The following HADHB variants were observed in gnomAD, a reference collection of about 807,000 sequenced individuals.
HADHB encodes the protein trifunctional enzyme subunit beta, mitochondrial.
HADHB carries 50 observed loss-of-function variants against 61.9 expected under a neutral mutation model. The ratio of observed to expected loss-of-function variants is 0.81; its 90% CI spans 0.64 to 1.02. HADHB has a LOEUF of 1.02. Among genes scored for constraint, HADHB ranks in the 50% least tolerant of loss-of-function variants. The probability of loss-of-function intolerance (pLI) is 0.00; values close to 1 mark genes in which losing one functional copy is unlikely to be tolerated. For missense variants in HADHB, 504 were observed against 586.5 expected (o/e 0.86, Z 1.45); for synonymous variants, 191 against 201.6 (o/e 0.95, Z 0.45).
chr2:26,253,791 T>G (rs1671495036), intron 1 of HADHB, among the ~76,000 whole-genome samples: 1 of 151,230 alleles, frequency 6.6e-6, no homozygotes, highest in Non-Finnish European at 1.5e-5. Flanking sequence ...AGGCAAAGAT[T>G]GCAGTGAACC....
intron 3 of HADHB, 87 bp downstream of exon 3, chr2:26,254,561 C>T: frequency 3.4e-6 from 3 of 877,092 alleles, no homozygotes; most frequent in Non-Finnish European, 5.8e-6. Flanking sequence ...AAAACCAAAA[C>T]TAATTTGCTA....
intron 3 of HADHB, among the ~76,000 whole-genome samples, chr2:26,261,830 G>A (rs1244605793): frequency 6.6e-6 from 1 of 150,876 alleles, no homozygotes; most frequent in Non-Finnish European, 1.5e-5. Flanking sequence ...ACTTTGTTTC[G>A]GGTAGCTAGG....
chr2:26,252,388 G>A (rs1485448455), intron 1 of HADHB, among the ~76,000 whole-genome samples: 3 of 152,122 alleles, frequency 2.0e-5, no homozygotes, highest in Non-Finnish European at 4.4e-5. Flanking sequence ...TTTTGTTGTT[G>A]TTGTTAAAAC....
intron 7 of HADHB, 76 bp downstream of exon 7, chr2:26,277,236 T>A: frequency 2.0e-5 from 6 of 294,402 alleles, no homozygotes; most frequent in East Asian, 6.0e-5. Context: ...AAATGTACTT[T>A]TTTTTTTTTT....
At chr2:26,251,288 G>C (rs991420528) in intron 1 of HADHB, among the ~76,000 whole-genome samples, 2 of 152,008 alleles carry the variant, frequency 1.3e-5, no homozygotes, top group East Asian at 1.9e-4. Context: ...CCTGGCTCGG[G>C]TGCTCCTCCC....
chr2:26,255,982 G>A (rs1189702094), intron 3 of HADHB, among the ~76,000 whole-genome samples: 2 of 152,210 alleles, frequency 1.3e-5, no homozygotes, highest in Non-Finnish European at 2.9e-5. Context: ...AGGTCATTCT[G>A]AATACCAGCA....
chr2:26,250,940 G>C (rs937464279), intron 1 of HADHB, among the ~76,000 whole-genome samples: 2 of 150,918 alleles, frequency 1.3e-5, no homozygotes, highest in African/African-American at 4.8e-5. Flanking sequence ...TAATCTGTCT[G>C]GCATTTATTT....
chr2:26,278,841 T>G (rs546252491), intron 8 of HADHB, 40 bp downstream of exon 8: 1 of 1,518,968 alleles, frequency 6.6e-7, no homozygotes, highest in African/African-American at 1.4e-5. Flanking sequence ...TGCAGAGATT[T>G]AGAATTAGGT....
At chr2:26,245,630 A>G (rs1440198464) in intron 1 of HADHB, among the ~76,000 whole-genome samples, 1 of 151,894 alleles carries the variant, frequency 6.6e-6, no homozygotes, top group Non-Finnish European at 1.5e-5. Flanking sequence ...GATTTTACCC[A>G]TGGCCATATG....
chr2:26,262,580 AC>A (rs1365851114), intron 3 of HADHB, among the ~76,000 whole-genome samples: 2 of 152,234 alleles, frequency 1.3e-5, no homozygotes, highest in African/African-American at 4.8e-5. Flanking sequence ...AATTTAAGAA[AC>A]CTAAAGGAAG....
At chr2:26,289,883 T>C in intron 15 of HADHB, 35 bp from the exon 16 acceptor site, 1 of 1,500,252 alleles carries the variant, frequency 6.7e-7, no homozygotes, top group Non-Finnish European at 9.3e-7. Context: ...TTCATCACCA[T>C]TCATTGCTCT....
At chr2:26,279,815 T>C (rs2147826184) in intron 9 of HADHB, among the ~76,000 whole-genome samples, 179 bp from the exon 10 acceptor site, 1 of 152,346 alleles carries the variant, frequency 6.6e-6, no homozygotes, top group African/African-American at 2.4e-5. Context: ...ATTTCCCAAT[T>C]GTCTTTTAAG....
At chr2:26,254,061 G>T (rs1387894597) in intron 1 of HADHB, among the ~76,000 whole-genome samples, 186 bp from the exon 2 acceptor site, 1 of 151,936 alleles carries the variant, frequency 6.6e-6, no homozygotes, top group South Asian at 2.1e-4. Context: ...AATAGTGGTT[G>T]CTGCAATGTG....
At chr2:26,283,782 G>C (rs542037796) in intron 12 of HADHB, among the ~76,000 whole-genome samples, 1 of 152,120 alleles carries the variant, frequency 6.6e-6, no homozygotes, top group Non-Finnish European at 1.5e-5. Flanking sequence ...CAAGGCTGTA[G>C]CCTCTAGCCT....
chr2:26,283,094 T>G (rs771296359), intron 12 of HADHB, 43 bp downstream of exon 12: 14 of 1,208,416 alleles, frequency 1.2e-5, no homozygotes, highest in Admixed American at 1.7e-5. Context: ...CACAAGTATT[T>G]GATTGCCTAT....
intron 1 of HADHB, among the ~76,000 whole-genome samples, chr2:26,247,523 C>A (rs1003627796): frequency 1.3e-5 from 2 of 152,064 alleles, no homozygotes; most frequent in African/African-American, 4.8e-5. Context: ...TTTTAAAATG[C>A]ATTTGTATAT....
intron 1 of HADHB, 73 bp downstream of exon 1, chr2:26,245,063 G>C (rs773601932): frequency 9.3e-6 from 2 of 215,532 alleles, no homozygotes; most frequent in Non-Finnish European, 1.9e-5. Flanking sequence ...CCCCGCAACT[G>C]TCGCCGGTGC....
In HADHB at chr2:26,285,469, AT is replaced by A; in HGVS notation, c.1290del (p.Phe430LeufsTer25). On this transcript the variant is annotated frameshift_variant, in exon 15 of 16. Coordinates refer to ENST00000317799, the MANE Select transcript of HADHB (RefSeq NM_000183.3). LOFTEE classifies it high-confidence loss of function. ...WGGSLSLGHP[F>X]GATGCRLVMA... ...GTGGATCTCTGTCCCTGGGACACCCATTTGGAGCCACTGGCTGCAGGTTGGT... is the reference window on the plus strand; with the variant it reads ...GTGGATCTCTGTCCCTGGGACACCCATTGGAGCCACTGGCTGCAGGTTGGT... 1 of 1,613,584 alleles carries A rather than the reference AT, an allele frequency of 6.2e-7. No homozygotes were observed. Among genetic ancestry groups the A allele is most frequent in the Non-Finnish European group, 8.5e-7 (1 of 1,179,668 alleles).
intron 4 of HADHB, 148 bp from the exon 5 acceptor site, chr2:26,269,805 A>T: frequency 1.4e-6 from 1 of 699,164 alleles, no homozygotes; most frequent in East Asian, 2.6e-5. Context: ...CTATTTCTTC[A>T]TTTGAAATGA....
Sources: allele counts gnomAD v4.1 joint callset (sites outside exome capture counted in the v4.1 genomes callset), GRCh38; gene constraint gnomAD v4.1.1; transcripts MANE v1.5; gene names NCBI Gene and HGNC (gene_info 2026-07-23, HGNC 2026-07-21).